Variants in ARHGEF10L observed in about 807,000 individuals in gnomAD.
The protein encoded by ARHGEF10L is Rho guanine nucleotide exchange factor 10 like.
A neutral mutation model predicts 141.2 loss-of-function variants in ARHGEF10L; 69 were observed. The observed-to-expected ratio is 0.49, with a 90% confidence interval of 0.40 to 0.60. ARHGEF10L has a LOEUF of 0.60. Among genes scored for constraint, ARHGEF10L ranks in the 20% least tolerant of loss-of-function variants. The pLI is 0.00. For synonymous variants in ARHGEF10L, 711 were observed against 718.5 expected, an observed-to-expected ratio of 0.99 and a Z score of 0.17; for missense variants, 1,482 against 1,734.3, an observed-to-expected ratio of 0.85 and a Z score of 2.58.
chr1:17,684,706 G>A (rs1227880593), intron 26 of ARHGEF10L, among the ~76,000 whole-genome samples: 14 of 152,150 alleles, frequency 9.2e-5, no homozygotes, highest in South Asian at 8.3e-4. Flanking sequence ...GTGAACTTTC[G>A]GTCTGAGGAA....
rs140157307 is a variant in ARHGEF10L, at chr1:17,656,662, C to T, written c.2814C>T (p.Leu938=). The change falls in exon 25 of 29, where the codon CTC becomes CTT. Residue 938 remains leucine, a synonymous_variant. Transcript: ENST00000361221. The surrounding 1 kb of genome is among the most constrained non-coding windows in gnomAD (Gnocchi z 4.9). ...LCLRHSPFHL[L]AGLQDGTLAA... ...TGCGACACAGCCCCTTCCACCTGCT[C>T]GCTGGCCTGCAGGATGGGACCCTTG... is the stretch of plus-strand genomic sequence containing the variant. The T allele has an allele frequency of 2.2e-5, 35 of 1,613,486 alleles. No homozygotes were observed. The highest frequency in any genetic ancestry group is 6.7e-5 in the East Asian group (3 of 44,888).
the ARHGEF10L span, among the ~76,000 whole-genome samples, chr1:17,527,539 G>C: frequency 1.2e-4 from 18 of 152,226 alleles, 1 homozygote; most frequent in South Asian, 3.3e-3. Context: ...CCCTCACCCG[G>C]AGCCGATCCA....
chr1:17,659,688 C>T (rs2062490285), intron 25 of ARHGEF10L, among the ~76,000 whole-genome samples: 1 of 152,224 alleles, frequency 6.6e-6, no homozygotes, highest in African/African-American at 2.4e-5. Context: ...GAAGCAGGTA[C>T]TCCATGAAAT....
At chr1:17,535,628 G>A (rs911423583), upstream of ARHGEF10L, among the ~76,000 whole-genome samples, 1 of 152,172 alleles carries the variant, frequency 6.6e-6, no homozygotes, top group African/African-American at 2.4e-5. Flanking sequence ...GAGACAAGGA[G>A]GACAGACTCC....
At chr1:17,518,708 C>A in the ARHGEF10L span, among the ~76,000 whole-genome samples, 1 of 147,988 alleles carries the variant, frequency 6.8e-6, no homozygotes, top group Non-Finnish European at 1.5e-5. Context: ...AGGAGAATCA[C>A]TTGAACCTGG....
chr1:17,567,287 T>C (rs1400120840), intron 1 of ARHGEF10L, among the ~76,000 whole-genome samples: 1 of 152,210 alleles, frequency 6.6e-6, no homozygotes, highest in Non-Finnish European at 1.5e-5. Flanking sequence ...CTTGGGATGC[T>C]CCTGTGTCAA....
chr1:17,544,140 A>G (rs2076832864), intron 1 of ARHGEF10L, among the ~76,000 whole-genome samples: 1 of 150,032 alleles, frequency 6.7e-6, no homozygotes, highest in Non-Finnish European at 1.5e-5. Flanking sequence ...TTTAGTAGAG[A>G]TGGGGTTTCA....
chr1:17,597,920 C>T (rs1036088671), intron 4 of ARHGEF10L, among the ~76,000 whole-genome samples: 2 of 152,172 alleles, frequency 1.3e-5, no homozygotes, highest in African/African-American at 2.4e-5. Context: ...CCCACCTCCA[C>T]GTCACCTTTA....
rs1013409546 is a variant in ARHGEF10L, at chr1:17,670,406, C to T, written c.3009+5811C>T. On this transcript the variant is annotated intron_variant, in intron 26 of 28. Coordinates refer to ENST00000361221, the MANE Select transcript of ARHGEF10L (RefSeq NM_018125.4). ...GGGCCCGTGTCAACACCGCGTCCTCCGCGTTCATGATCTAGATCGCACCGC... is the reference window on the plus strand; with the variant it reads ...GGGCCCGTGTCAACACCGCGTCCTCTGCGTTCATGATCTAGATCGCACCGC... Among the ~76,000 whole-genome samples the T allele has an allele frequency of 4.6e-5, 7 of 152,260 alleles. No homozygotes were observed. The East Asian group carries it at 9.6e-4, about 21-fold the overall frequency.
chr1:17,625,246 AG>A lies in ARHGEF10L; in HGVS notation c.1318-709del, dbSNP rs2060318788. Among the ~76,000 whole-genome samples the A allele has an allele frequency of 6.6e-6, 1 of 152,178 alleles. No homozygotes were observed. The highest frequency in any genetic ancestry group is 1.5e-5 in the Non-Finnish European group (1 of 68,024). ...GAGAGCCTATATCAGGTGTAAGGAT[AG>A]TGGAGCAAAGGTTAGAGGCAGGAGG... On this transcript the variant is annotated intron_variant, in intron 13 of 28. Coordinates refer to ENST00000361221, the MANE Select transcript of ARHGEF10L (RefSeq NM_018125.4). This position sits in a 1 kb window ranked among gnomAD's most constrained non-coding sequence, Gnocchi z 4.5.
At chr1:17,555,876 G>A (rs550316762) in intron 1 of ARHGEF10L, among the ~76,000 whole-genome samples, 1 of 152,128 alleles carries the variant, frequency 6.6e-6, no homozygotes, top group East Asian at 1.9e-4. Flanking sequence ...TCCTGTAATT[G>A]GAACCACCCT....
In ARHGEF10L at chr1:17,625,881, G is replaced by A; in HGVS notation, c.1318-75G>A. 1.5e-6 allele frequency: 2 copies of A among 1,312,990 alleles called. No individual in the cohort carries two copies. Among genetic ancestry groups the A allele is most frequent in the East Asian group, 4.7e-5 (2 of 43,004 alleles). The allele number at this position is 1,312,990 out of a possible 1,614,324, so 81.3% of individuals were successfully genotyped here. On this transcript the variant is annotated intron_variant, in intron 13 of 28. Transcript: ENST00000361221. This position sits in a 1 kb window ranked among gnomAD's most constrained non-coding sequence, Gnocchi z 4.5. ...CCTGGGGAGAGGAGCCCAGAATGGG[G>A]ACAGTGTCTGGACTCTGGGGCACTG...
chr1:17,545,964 T>G (rs1023068178), intron 1 of ARHGEF10L, among the ~76,000 whole-genome samples: 1 of 152,152 alleles, frequency 6.6e-6, no homozygotes, highest in Non-Finnish European at 1.5e-5. Flanking sequence ...GAGGCATGAA[T>G]TATTGAGAGT....
chr1:17,620,224 T>A (rs77538911), intron 10 of ARHGEF10L, among the ~76,000 whole-genome samples: 1,735 of 122,892 alleles, frequency 0.014, 16 homozygotes, highest in South Asian at 0.032. Context: ...AAAAAAAAAA[T>A]GGCTTCCTTC....
At chr1:17,636,004 G>A (rs1193409708) in intron 18 of ARHGEF10L, among the ~76,000 whole-genome samples, 1 of 152,190 alleles carries the variant, frequency 6.6e-6, no homozygotes, top group Non-Finnish European at 1.5e-5. Context: ...GTCCGTGACA[G>A]CTGTGCCCAC....
chr1:17,521,577 C>T, the ARHGEF10L span, among the ~76,000 whole-genome samples: 1 of 152,232 alleles, frequency 6.6e-6, no homozygotes, highest in Non-Finnish European at 1.5e-5. Context: ...GCTAACAAAG[C>T]ACAGTAGGTG....
chr1:17,637,501 T>C (rs1312883666), intron 18 of ARHGEF10L, among the ~76,000 whole-genome samples: 1 of 142,036 alleles, frequency 7.0e-6, no homozygotes, highest in Non-Finnish European at 1.5e-5. Context: ...TTTCTGGAAC[T>C]CTTTCTTTTT....
intron 21 of ARHGEF10L, 116 bp downstream of exon 21, chr1:17,640,418 T>C: frequency 2.4e-6 from 2 of 845,156 alleles, no homozygotes; most frequent in South Asian, 3.5e-5. Context: ...GGGAGGCTTC[T>C]GAGTGGGAGG....
the ARHGEF10L span, among the ~76,000 whole-genome samples, chr1:17,526,994 C>T: frequency 1.6e-4 from 24 of 151,944 alleles, 1 homozygote; most frequent in African/African-American, 4.8e-4. Flanking sequence ...TCCATTCAGG[C>T]GGGCGGATGT....
Sources: gnomAD v4.1 joint callset for allele counts (sites outside exome capture counted in the v4.1 genomes callset) on GRCh38, gnomAD v4.1.1 for gene constraint, Gnocchi (gnomAD v3.1) non-coding constraint, MANE v1.5 for transcripts, NCBI Gene and HGNC (gene_info 2026-07-23, HGNC 2026-07-21) for gene names.